The following ATP10D variants were observed in gnomAD, a reference collection of about 807,000 sequenced individuals.
The protein encoded by ATP10D is phospholipid-transporting ATPase VD.
A neutral mutation model predicts 144.8 loss-of-function variants in ATP10D; 89 were observed. The observed-to-expected ratio is 0.61, with a 90% confidence interval of 0.52 to 0.73. ATP10D has a LOEUF of 0.73. ATP10D is among the 30% of genes least tolerant of loss of function. ATP10D has a pLI of 0.00. For missense variants in ATP10D, 1,603 were observed against 1,714.8 expected (o/e 0.93, Z 1.15); for synonymous variants, 571 against 615.1 (o/e 0.93, Z 1.06).
chr4:47,487,535 A>T (rs1428871612), intron 1 of ATP10D, among the ~76,000 whole-genome samples: 1 of 152,220 alleles, frequency 6.6e-6, no homozygotes, highest in East Asian at 1.9e-4. Context: ...GCACTGATAA[A>T]TATAAATTTA....
intron 22 of ATP10D, among the ~76,000 whole-genome samples, chr4:47,589,171 G>A (rs1720919460): frequency 6.6e-6 from 1 of 152,106 alleles, no homozygotes; most frequent in Non-Finnish European, 1.5e-5. Flanking sequence ...AAGAGGCAAG[G>A]AATAGATTCT....
At chr4:47,488,612 CAAAAAAAAAA>C (rs56859197) in intron 1 of ATP10D, among the ~76,000 whole-genome samples, 2 of 91,318 alleles carry the variant, frequency 2.2e-5, no homozygotes, top group African/African-American at 3.8e-5. Context: ...ATATAATAAG[CAAAAAAAAAA>C]AAAAAAAAAA....
chr4:47,539,800 T>C (rs1257001108), intron 9 of ATP10D, among the ~76,000 whole-genome samples: 1 of 152,216 alleles, frequency 6.6e-6, no homozygotes, highest in Non-Finnish European at 1.5e-5. Flanking sequence ...TTTTTGTATT[T>C]ATAACACAAA....
In ATP10D at chr4:47,568,945, C is replaced by T. The variant is rs773155936; in HGVS notation, c.2962C>T (p.Pro988Ser). 1.9e-6 allele frequency: 3 copies of T among 1,614,120 alleles called. No homozygotes were observed. The highest frequency in any genetic ancestry group is 3.3e-5 in the Admixed American group (2 of 60,028). The change falls in exon 16 of 23, where the codon CCC becomes TCC. Residue 988 changes from proline (P) to serine (S), a missense_variant. Physicochemically the swap from Pro to Ser is moderately conservative, Grantham distance 74. Coordinates refer to ENST00000273859, the MANE Select transcript of ATP10D (RefSeq NM_020453.4). ...LSEDLLQPPV[P>S]RDSGLRAGLI... ...TGAAGATTTACTTCAGCCTCCTGTC[C>T]CCCGGGACTCAGGGTTACGAGCTGG...
chr4:47,569,106 A>G lies in ATP10D; in HGVS notation c.3123A>G (p.Lys1041=). 6.2e-7 allele frequency: 1 copy of G among 1,613,986 alleles called. No individual in the cohort carries two copies. Among genetic ancestry groups the G allele is most frequent in the Non-Finnish European group, 8.5e-7 (1 of 1,179,996 alleles). Residue 1041 remains lysine (K), a synonymous_variant, in exon 16 of 23, where the codon AAA becomes AAG. Coordinates refer to ENST00000273859, the MANE Select transcript of ATP10D (RefSeq NM_020453.4). ...ATPLQKSEVV[K]LVRSHLQVMT... The stretch of plus-strand genomic sequence containing the variant: ...CGCTGCAGAAAAGTGAAGTGGTGAA[A>G]TTGGTCCGCAGCCATCTCCAGGTGA...
At chr4:47,582,509 T>A (rs1433740926) in intron 21 of ATP10D, among the ~76,000 whole-genome samples, 1 of 152,212 alleles carries the variant, frequency 6.6e-6, no homozygotes, top group Admixed American at 6.5e-5. Context: ...CCATTGTACT[T>A]GGAATAAAAT....
intron 1 of ATP10D, among the ~76,000 whole-genome samples, chr4:47,499,787 G>T (rs1273519674): frequency 6.6e-6 from 1 of 152,178 alleles, no homozygotes; most frequent in Non-Finnish European, 1.5e-5. Flanking sequence ...AGGTTACTCA[G>T]AATAACTTCC....
chr4:47,570,558 C>A (rs1719898440), intron 16 of ATP10D, among the ~76,000 whole-genome samples: 1 of 152,114 alleles, frequency 6.6e-6, no homozygotes, highest in African/African-American at 2.4e-5. Flanking sequence ...AATCCCAGCA[C>A]TTTGGGAGGC....
At chr4:47,581,912 A>G (rs1377223114) in intron 20 of ATP10D, 48 bp from the exon 21 acceptor site, 1 of 1,478,148 alleles carries the variant, frequency 6.8e-7, no homozygotes, top group Non-Finnish European at 9.5e-7. Context: ...TGTTACCCAC[A>G]CCAAGTTGCA....
At chr4:47,530,747 C>A (rs61494951) in intron 5 of ATP10D, among the ~76,000 whole-genome samples, 1 of 152,128 alleles carries the variant, frequency 6.6e-6, no homozygotes, top group Admixed American at 6.5e-5. Flanking sequence ...TGAGCCACTG[C>A]GCCCAGCCTA....
At chr4:47,536,064 T>C (rs1235941444) in intron 7 of ATP10D, 31 bp downstream of exon 7, 12 of 1,586,402 alleles carry the variant, frequency 7.6e-6, no homozygotes, top group Non-Finnish European at 1.0e-5. Flanking sequence ...TGCTGACATC[T>C]TTTCAGCAAG....
intron 20 of ATP10D, 59 bp downstream of exon 20, chr4:47,580,537 C>T: frequency 6.8e-7 from 1 of 1,473,656 alleles, no homozygotes; most frequent in Non-Finnish European, 9.5e-7. Flanking sequence ...CTTCTTTGTA[C>T]TTTGCCACCA....
intron 9 of ATP10D, among the ~76,000 whole-genome samples, chr4:47,539,451 G>T (rs1387053375): frequency 6.6e-6 from 1 of 152,036 alleles, no homozygotes; most frequent in Non-Finnish European, 1.5e-5. Flanking sequence ...ATAGATCACT[G>T]TTAGCATTTT....
intron 5 of ATP10D, among the ~76,000 whole-genome samples, chr4:47,535,166 G>A (rs909278204): frequency 1.1e-4 from 16 of 151,960 alleles, no homozygotes; most frequent in African/African-American, 3.4e-4. Context: ...CCTAATTGAA[G>A]GTGGATGGTA....
At chr4:47,505,394 C>T (rs1442951538) in intron 1 of ATP10D, among the ~76,000 whole-genome samples, 2 of 152,186 alleles carry the variant, frequency 1.3e-5, no homozygotes, top group Admixed American at 1.3e-4. Flanking sequence ...GACTCCTGAG[C>T]CCCATCCCAG....
chr4:47,556,364 A>G (rs1020089759), intron 11 of ATP10D, among the ~76,000 whole-genome samples: 4 of 152,342 alleles, frequency 2.6e-5, no homozygotes, highest in South Asian at 2.1e-4. Flanking sequence ...TTGCCTAGGA[A>G]GTTGCTCTTT....
chr4:47,540,625 T>G (rs371495213), intron 9 of ATP10D, among the ~76,000 whole-genome samples: 29 of 152,370 alleles, frequency 1.9e-4, no homozygotes, highest in East Asian at 1.3e-3. Context: ...CATGCCCTCA[T>G]GCCGTTTCCC....
At position 47,559,018 on chromosome 4, in the gene ATP10D, A is replaced by G; in HGVS notation, c.2530A>G (p.Ile844Val). Reference protein sequence around the residue: ...YAKQGLRTLCIAKKVMSDTEY... With the variant: ...YAKQGLRTLCVAKKVMSDTEY... ...CAAACAAGGCCTTCGTACTTTATGT[A>G]TAGCAAAGAAGGTGAGACTGCTTAG... Residue 844 changes from isoleucine (I) to valine (V), a missense_variant, in exon 13 of 23, where the codon ATA (isoleucine) becomes GTA (valine). Physicochemically the swap from Ile to Val is conservative, Grantham distance 29 (BLOSUM62 3). Transcript: ENST00000273859. 1 of 1,613,716 alleles carries G rather than the reference A, an allele frequency of 6.2e-7. No individual in the cohort carries two copies. Among genetic ancestry groups the G allele is most frequent in the Non-Finnish European group, 8.5e-7 (1 of 1,179,660 alleles).
At chr4:47,565,809 C>T (rs1719606868) in intron 15 of ATP10D, among the ~76,000 whole-genome samples, 1 of 151,990 alleles carries the variant, frequency 6.6e-6, no homozygotes, top group African/African-American at 2.4e-5. Flanking sequence ...TATAAATACA[C>T]AATTTATCTT....
Sources: gnomAD v4.1 joint callset for allele counts (sites outside exome capture counted in the v4.1 genomes callset) on GRCh38, gnomAD v4.1.1 for gene constraint, MANE v1.5 for transcripts, NCBI Gene and HGNC (gene_info 2026-07-23, HGNC 2026-07-21) for gene names.